PCSK6: variants seen among roughly 807,000 people sequenced by gnomAD.
The protein encoded by PCSK6 is proprotein convertase subtilisin/kexin type 6, also known as paired basic amino acid cleaving enzyme 4.
PCSK6 carries 85 observed loss-of-function variants against 123.3 expected under a neutral mutation model. That is an observed-to-expected ratio of 0.69 (90% CI 0.58 to 0.83). The LOEUF is 0.83. Among genes scored for constraint, PCSK6 ranks in the 40% least tolerant of loss-of-function variants. PCSK6 has a pLI of 0.00. For missense variants in PCSK6, 1,191 were observed against 1,282.3 expected (o/e 0.93, Z 1.09); for synonymous variants, 508 against 516.0 (o/e 0.98, Z 0.21).
At position 101,389,521 on chromosome 15, in the gene PCSK6, C is replaced by G. The variant is rs2042163517; in HGVS notation, c.1253G>C (p.Gly418Ala). ...CACCATGGGGGCAGAGACTGAGGTC[C>G]CAGTGTGGCCATCGGTACAGCGCTG... is the stretch of plus-strand genomic sequence containing the variant. The part of the protein sequence containing the change: ...LRQRCTDGHT[G>A]TSVSAPMVAG... The change falls in exon 9 of 22, where the codon GGG becomes GCG. Residue 418 changes from glycine to alanine, a missense_variant. This residue lies in a region of PCSK6 where 357 missense variants were observed against 484.5 expected (regional missense o/e 0.74). Transcript: ENST00000611716. 6.8e-6 allele frequency: 11 copies of G among 1,613,482 alleles called. No homozygotes were observed. The highest frequency in any genetic ancestry group is 9.3e-6 in the Non-Finnish European group (11 of 1,179,718).
intron 5 of PCSK6, 65 bp downstream of exon 5, chr15:101,429,922 C>T: frequency 1.5e-6 from 2 of 1,373,288 alleles, no homozygotes; most frequent in Admixed American, 3.4e-5. Flanking sequence ...CCCTCGCACA[C>T]ACATTCAATA....
At chr15:101,437,849 C>G (rs1024544607) in intron 2 of PCSK6, among the ~76,000 whole-genome samples, 1 of 152,154 alleles carries the variant, frequency 6.6e-6, no homozygotes, top group African/African-American at 2.4e-5. Flanking sequence ...AGGGGCTGAC[C>G]TGTGAACCCC....
At chr15:101,481,027 TG>T (rs2057865483) in intron 1 of PCSK6, among the ~76,000 whole-genome samples, 1 of 152,104 alleles carries the variant, frequency 6.6e-6, no homozygotes, top group Admixed American at 6.5e-5. Flanking sequence ...CCCAGGCCAG[TG>T]AGAGCACACA....
At chr15:101,431,830 G>A (rs2643358) in intron 3 of PCSK6, among the ~76,000 whole-genome samples, 160 bp downstream of exon 3, 22,246 of 152,158 alleles carry the variant, frequency 0.15, 1,821 homozygotes, top group African/African-American at 0.21. Context: ...CAGGAAAGCC[G>A]GTACTGCACA....
chr15:101,366,174 G>A (rs368500739), intron 13 of PCSK6, 22 bp downstream of exon 13: 2 of 1,602,400 alleles, frequency 1.2e-6, no homozygotes, highest in African/African-American at 2.7e-5. Flanking sequence ...AAGCTGTCAT[G>A]AGATTCCCAA....
At chr15:101,412,714 A>ATATATATATATATATATATATATATATAT (rs1326677557) in intron 6 of PCSK6, among the ~76,000 whole-genome samples, 3 of 113,846 alleles carry the variant, frequency 2.6e-5, no homozygotes, top group Non-Finnish European at 3.8e-5. Context: ...TATATATATA[A>ATATATATATATATATATATATATATATAT]AATTACCCAA....
In PCSK6 at chr15:101,305,332, C is replaced by T. The variant is rs1375586675; in HGVS notation, c.2836G>A (p.Val946Met). ...CGTTCGCACAGCCGGTTGGACTTCA[C>T]CATCTCGCAGAATGTCTCGTCAGCT... Reference protein sequence around the residue: ...SNADETFCEMVKSNRLCERKL... With the variant: ...SNADETFCEMMKSNRLCERKL... Residue 946 changes from valine to methionine, a missense_variant, in exon 22 of 22, where the codon GTG becomes ATG. Physicochemically the swap from Val to Met is conservative, Grantham distance 21 (BLOSUM62 1). Transcript: ENST00000611716. This position sits in a 1 kb window ranked among gnomAD's most constrained non-coding sequence, Gnocchi z 4.8. 2 of 1,612,704 alleles carry T rather than the reference C, an allele frequency of 1.2e-6. No homozygotes were observed.
rs532742981 is a variant in PCSK6 at position 101,392,448 on chromosome 15, G to A, written c.1209+764C>T. On this transcript the variant is annotated intron_variant, in intron 8 of 21. Transcript: ENST00000611716. ...CTTCGAAAGATGTGGCTGAGCAGCC[G>A]CAGAAATGAAAAGATGCTAGTGAGC... Among the ~76,000 whole-genome samples, 59 of 152,302 alleles carry A rather than the reference G, an allele frequency of 3.9e-4. No individual in the cohort carries two copies. In the East Asian group the frequency reaches 5.4e-3, roughly 14 times the overall value.
At chr15:101,411,784 C>T (rs1177303998) in intron 6 of PCSK6, among the ~76,000 whole-genome samples, 1 of 152,200 alleles carries the variant, frequency 6.6e-6, no homozygotes, top group East Asian at 1.9e-4. Context: ...AATGAGGTGC[C>T]CGACCTCACT....
At chr15:101,418,521 T>A (rs60092883) in intron 6 of PCSK6, among the ~76,000 whole-genome samples, 33,673 of 96,902 alleles carry the variant, frequency 0.35, 3,845 homozygotes, top group African/African-American at 0.49. Context: ...CAATTTAGGA[T>A]TTTTTTTTTT....
At chr15:101,405,880 T>C (rs1343574938) in intron 6 of PCSK6, among the ~76,000 whole-genome samples, 1 of 152,090 alleles carries the variant, frequency 6.6e-6, no homozygotes, top group Non-Finnish European at 1.5e-5. Flanking sequence ...GTAGCTGGGA[T>C]TACAGGCACA....
Position 101,427,868 on chromosome 15 carries a change from G to A in PCSK6, c.823+24C>T, listed in dbSNP as rs187995805. 47 of 1,527,992 alleles carry A rather than the reference G, an allele frequency of 3.1e-5. No homozygotes were observed. In the African/African-American group the frequency reaches 4.3e-4, roughly 14 times the overall value. 94.7% of individuals were successfully genotyped at this position (1,527,992 alleles called of 1,614,324 possible). On this transcript the variant is annotated intron_variant, in intron 6 of 21. Transcript: ENST00000611716. ...GCCCCTGCCCCAGGCCCCTCGGCTC[G>A]CAGGCTGCCACGCCCGGCCTTACCT...
At chr15:101,340,696 T>C (rs966218785) in intron 13 of PCSK6, among the ~76,000 whole-genome samples, 12 of 152,170 alleles carry the variant, frequency 7.9e-5, no homozygotes, top group African/African-American at 2.9e-4. Context: ...TGTCCAGTGA[T>C]GTCTCACCTA....
chr15:101,314,494 C>T (rs556317453), intron 19 of PCSK6, among the ~76,000 whole-genome samples: 6 of 152,312 alleles, frequency 3.9e-5, no homozygotes, highest in East Asian at 1.9e-4. Flanking sequence ...CGATTGTGGT[C>T]GCAGATCGAG....
chr15:101,389,571 G>A lies in PCSK6; in HGVS notation c.1210-7C>T. On this transcript the variant is annotated splice_region_variant and splice_polypyrimidine_tract_variant and intron_variant, in intron 8 of 21. Coordinates refer to ENST00000611716, the MANE Select transcript of PCSK6 (RefSeq NM_002570.5). ...GACGCAGATCCGTGGTGACCTGGGG[G>A]AGAGAGAAGCACAGTGAGGCAGTGA... is the stretch of plus-strand genomic sequence containing the variant. 6.2e-7 allele frequency: 1 copy of A among 1,606,706 alleles called. No individual in the cohort carries two copies. The highest frequency in any genetic ancestry group is 1.3e-5 in the African/African-American group (1 of 74,820).
chr15:101,382,510 G>A (rs2041940041), intron 10 of PCSK6, among the ~76,000 whole-genome samples: 2 of 152,162 alleles, frequency 1.3e-5, no homozygotes, highest in African/African-American at 4.8e-5. Flanking sequence ...TTGAGACAAA[G>A]ACAGGTTCCT....
intron 13 of PCSK6, among the ~76,000 whole-genome samples, chr15:101,345,131 G>A (rs993082246): frequency 6.6e-6 from 1 of 152,150 alleles, no homozygotes; most frequent in Non-Finnish European, 1.5e-5. Flanking sequence ...TGCTAGGTGG[G>A]CTCCACAGAT....
intron 13 of PCSK6, among the ~76,000 whole-genome samples, chr15:101,348,491 G>A (rs1169359787): frequency 3.3e-5 from 5 of 152,202 alleles, no homozygotes; most frequent in Admixed American, 2.6e-4. Flanking sequence ...CAGCACCTTC[G>A]TGAGACACCG....
At position 101,474,418 on chromosome 15, in the gene PCSK6, T is replaced by A. The variant is rs377119186; in HGVS notation, c.297+14956A>T. 9.2e-5 allele frequency among the ~76,000 whole-genome samples: 14 copies of A among 152,252 alleles called. No homozygotes were observed. In the East Asian group the frequency reaches 1.7e-3, roughly 19 times the overall value. ...AAAGCTAAAACTGGCGCCACGGCGG[T>A]GATCACTGGGGTGCGCAGCCTGCCT... On this transcript the variant is annotated intron_variant, in intron 1 of 21. Coordinates refer to ENST00000611716, the MANE Select transcript of PCSK6 (RefSeq NM_002570.5).
Sources: allele counts gnomAD v4.1 joint callset (sites outside exome capture counted in the v4.1 genomes callset), GRCh38; gene constraint gnomAD v4.1.1; regional missense constraint gnomAD v4.1.1; non-coding constraint Gnocchi (gnomAD v3.1); transcripts MANE v1.5; gene names NCBI Gene and HGNC (gene_info 2026-07-23, HGNC 2026-07-21).